TPRA1: variants seen among roughly 807,000 people sequenced by gnomAD.
TPRA1 encodes transmembrane protein adipocyte-associated 1.
TPRA1 carries 28 observed loss-of-function variants against 40.1 expected under a neutral mutation model. That is an observed-to-expected ratio of 0.70 (90% CI 0.52 to 0.96). The LOEUF (loss-of-function observed/expected upper bound fraction) is 0.96. TPRA1 is among the 40% of genes least tolerant of loss of function. The pLI is 0.00. For synonymous variants in TPRA1, 219 were observed against 209.7 expected (o/e 1.04, Z -0.38); for missense variants, 441 against 482.6 (o/e 0.91, Z 0.81).
rs1433039317 is a variant in TPRA1, at chr3:127,576,200, C to A, written c.499-150G>T. 7 of 667,784 alleles carry A rather than the reference C, an allele frequency of 1.0e-5. No individual in the cohort carries two copies. The highest frequency in any genetic ancestry group is 1.6e-5 in the Non-Finnish European group (6 of 381,164). The allele number at this position is 667,784 out of a possible 1,614,324, so 41.4% of individuals were successfully genotyped here. A position where few individuals can be genotyped will look rare whatever the true frequency, so the allele number is the denominator to read the frequency against. On this transcript the variant is annotated intron_variant, in intron 6 of 10. Transcript: ENST00000355552. This position sits in a 1 kb window ranked among gnomAD's most constrained non-coding sequence, Gnocchi z 4.6. ...CTCAACTCACCTGCCCCAGTCTGCT[C>A]CCTGGCCATGTCCTGCCCAACTGAT...
At chr3:127,580,971 C>G (rs1183578362) in intron 1 of TPRA1, among the ~76,000 whole-genome samples, 1 of 152,224 alleles carries the variant, frequency 6.6e-6, no homozygotes, top group African/African-American at 2.4e-5. Flanking sequence ...CCACATGACA[C>G]TCTGAGCATG....
chr3:127,580,349 G>A (rs1352403802), intron 1 of TPRA1, 186 bp from the exon 2 acceptor site: 5 of 619,792 alleles, frequency 8.1e-6, no homozygotes, highest in South Asian at 2.2e-5. Context: ...CCAGGCAGGG[G>A]CCCAGTCCCC....
intron 3 of TPRA1, 95 bp downstream of exon 3, chr3:127,579,645 C>A: frequency 1.4e-6 from 2 of 1,390,500 alleles, no homozygotes; most frequent in Non-Finnish European, 2.0e-6. Context: ...TGGATCCAGC[C>A]ATACCTGAAG....
At chr3:127,580,201 TG>T in intron 1 of TPRA1, 38 bp from the exon 2 acceptor site, 1 of 1,587,586 alleles carries the variant, frequency 6.3e-7, no homozygotes, top group Non-Finnish European at 8.5e-7. Flanking sequence ...CTGTGTGGCC[TG>T]GGCCACTGTC....
In TPRA1 at chr3:127,597,451, ACT is replaced by A. The variant is rs2074255505; in HGVS notation, c.-391+554_-391+555del. On this transcript the variant is annotated intron_variant, in intron 1 of 3. Transcript: ENST00000462228. ...TGCTTTCAGAATACAGAATAGTCAA[ACT>A]CTCTAGAAAAACATCTAGCTCTTTT... 4.6e-5 allele frequency among the ~76,000 whole-genome samples: 7 copies of A among 152,142 alleles called. No homozygotes were observed. In the South Asian group the frequency reaches 1.5e-3, roughly 32 times the overall value.
In TPRA1 at chr3:127,576,133, C is replaced by G; in HGVS notation, c.499-83G>C. 2 of 1,081,970 alleles carry G rather than the reference C, an allele frequency of 1.8e-6. No individual in the cohort carries two copies. The highest frequency in any genetic ancestry group is 2.8e-6 in the Non-Finnish European group (2 of 719,202). The allele number at this position is 1,081,970 out of a possible 1,614,324, so 67.0% of individuals were successfully genotyped here. A position where few individuals can be genotyped will look rare whatever the true frequency, so the allele number is the denominator to read the frequency against. ...GGGGCTTTCCCTGATGCAAAGCCCC[C>G]TAAGCTCTCCACCACACCAAGTTCA... On this transcript the variant is annotated intron_variant, in intron 6 of 10. Transcript: ENST00000355552. The surrounding 1 kb of genome is among the most constrained non-coding windows in gnomAD (Gnocchi z 4.6).
chr3:127,597,672 C>G (rs1361194301), intron 1 of TPRA1, among the ~76,000 whole-genome samples: 1 of 152,218 alleles, frequency 6.6e-6, no homozygotes, highest in East Asian at 1.9e-4. Context: ...CTACTAAAGC[C>G]TCAGATGTGA....
At chr3:127,582,152 TAA>T in intron 1 of TPRA1, among the ~76,000 whole-genome samples, 1 of 152,080 alleles carries the variant, frequency 6.6e-6, no homozygotes. Context: ...TCCAAGCCCT[TAA>T]ACACCAGAAC....
chr3:127,592,681 G>A (rs1211437047), upstream of TPRA1, among the ~76,000 whole-genome samples: 1 of 152,186 alleles, frequency 6.6e-6, no homozygotes. Flanking sequence ...CACCGCGCCC[G>A]GCCGCAACAT....
Position 127,577,025 on chromosome 3 carries a change from C to T in TPRA1, c.310G>A (p.Val104Met), listed in dbSNP as rs147285727. The T allele has an allele frequency of 4.2e-5, 67 of 1,613,684 alleles. No individual in the cohort carries two copies. The highest frequency in any genetic ancestry group is 3.4e-5 in the Non-Finnish European group (40 of 1,180,042). ...GIARAVVSMT[V>M]STSNAATVAD... ...ACAGTTGCAGCGTTCGAGGTGCTCA[C>T]CGTCATGGATACCACGGCCCGGGCA... is the stretch of plus-strand genomic sequence containing the variant. Residue 104 changes from valine (V) to methionine (M), a missense_variant, in exon 4 of 11, where the codon GTG becomes ATG. Physicochemically the swap from Val to Met is conservative, Grantham distance 21. Coordinates refer to ENST00000355552, the MANE Select transcript of TPRA1 (RefSeq NM_001136053.4).
At chr3:127,597,748 T>G (rs2074259788) in intron 1 of TPRA1, among the ~76,000 whole-genome samples, 1 of 152,072 alleles carries the variant, frequency 6.6e-6, no homozygotes, top group Non-Finnish European at 1.5e-5. Context: ...TTGGGAGAAG[T>G]TAAACCATTG....
upstream of TPRA1, among the ~76,000 whole-genome samples, chr3:127,592,588 T>C (rs1416162790): frequency 6.6e-6 from 1 of 151,440 alleles, no homozygotes; most frequent in Non-Finnish European, 1.5e-5. Flanking sequence ...GGTTTCACCT[T>C]GTTAGCCAGG....
chr3:127,587,675 CTTTTT>C (rs1171996656), intron 1 of TPRA1, among the ~76,000 whole-genome samples: 2 of 129,734 alleles, frequency 1.5e-5, no homozygotes, highest in Non-Finnish European at 1.7e-5. Flanking sequence ...TGCTGCTTTT[CTTTTT>C]TTTTTTTTTT....
At chr3:127,574,461 C>T (rs986916468) in intron 10 of TPRA1, among the ~76,000 whole-genome samples, 5 of 152,216 alleles carry the variant, frequency 3.3e-5, no homozygotes, top group African/African-American at 4.8e-5. Flanking sequence ...ATCTCACAGA[C>T]GCTTCTGCAG....
chr3:127,574,975 C>A (rs1576364605), intron 10 of TPRA1: 3 of 603,670 alleles, frequency 5.0e-6, no homozygotes, highest in Non-Finnish European at 8.9e-6. Context: ...TGCATGTGCA[C>A]GTGTCCATGC....
Position 127,576,320 on chromosome 3 carries a change from G to C in TPRA1, c.499-270C>G, listed in dbSNP as rs539037201. Among the ~76,000 whole-genome samples the C allele has an allele frequency of 4.6e-5, 7 of 152,284 alleles. No homozygotes were observed. In the South Asian group the frequency reaches 1.5e-3, roughly 32 times the overall value. On this transcript the variant is annotated intron_variant, in intron 6 of 10. Coordinates refer to ENST00000355552, the MANE Select transcript of TPRA1 (RefSeq NM_001136053.4). This position sits in a 1 kb window ranked among gnomAD's most constrained non-coding sequence, Gnocchi z 4.6. ...CAGTCCCTGCCCCCAATCTAAGAAA[G>C]GGGCCTCTAGATGCATGCTTCTCAG...
At chr3:127,586,560 T>C (rs1449679163) in intron 1 of TPRA1, among the ~76,000 whole-genome samples, 1 of 152,332 alleles carries the variant, frequency 6.6e-6, no homozygotes, top group East Asian at 1.9e-4. Flanking sequence ...GGTTTTGCCA[T>C]GTTGGCCAGG....
chr3:127,573,694 G>C lies in TPRA1; in HGVS notation c.949C>G (p.Arg317Gly). The C allele has an allele frequency of 6.2e-7, 1 of 1,613,462 alleles. No individual in the cohort carries two copies. The highest frequency in any genetic ancestry group is 1.1e-5 in the South Asian group (1 of 91,036). ...GCCCCTGCAGCCTCCAGGCCCTCCC[G>C]CCGGGCCACAGCGTAGGGCTGGGGT... is the stretch of plus-strand genomic sequence containing the variant. ...HLPQPYAVARREGLEAAGAAG... is the reference protein window; with the variant it reads ...HLPQPYAVARGEGLEAAGAAG... Residue 317 changes from arginine to glycine, a missense_variant, in exon 11 of 11, where the codon CGG (arginine) becomes GGG (glycine). By Grantham distance (125) the Arg-to-Gly change is moderately radical (BLOSUM62 -2). Transcript: ENST00000355552.
chr3:127,577,057 A>G lies in TPRA1; in HGVS notation c.278T>C (p.Val93Ala). ...FYILVFVVAL[V>A]GIARAVVSMT... ...GGATACCACGGCCCGGGCAATGCCC[A>G]CCAGCGCCACCACAAACACCTGGTG... Residue 93 changes from valine to alanine, a missense_variant, in exon 4 of 11, where the codon GTG (valine) becomes GCG (alanine). Physicochemically the swap from Val to Ala is moderately conservative, Grantham distance 64. Transcript: ENST00000355552. The G allele has an allele frequency of 6.2e-7, 1 of 1,613,386 alleles. No individual in the cohort carries two copies. The highest frequency in any genetic ancestry group is 8.5e-7 in the Non-Finnish European group (1 of 1,180,018).
Sources: gnomAD v4.1 joint callset for allele counts (sites outside exome capture counted in the v4.1 genomes callset) on GRCh38, gnomAD v4.1.1 for gene constraint, Gnocchi (gnomAD v3.1) non-coding constraint, MANE v1.5 for transcripts, NCBI Gene and HGNC (gene_info 2026-07-23, HGNC 2026-07-21) for gene names.